The following ERBB4 variants were observed in gnomAD, a reference collection of about 807,000 sequenced individuals.
ERBB4 encodes erb-b2 receptor tyrosine kinase 4, also known as receptor tyrosine-protein kinase erbB-4.
In ERBB4, 42 loss-of-function variants were observed where a neutral mutation model predicts 158.0. That is an observed-to-expected ratio of 0.27 (90% CI 0.21 to 0.34). ERBB4 has a LOEUF of 0.34. Among genes scored for constraint, ERBB4 ranks in the 10% least tolerant of loss-of-function variants. ERBB4 has a pLI of 1.00. For synonymous variants in ERBB4, 583 were observed against 558.7 expected (o/e 1.04, Z -0.61); for missense variants, 1,333 against 1,624.1 (o/e 0.82, Z 3.08).
chr2:211,878,720 C>G (rs1187502651), intron 3 of ERBB4, among the ~76,000 whole-genome samples: 11 of 138,596 alleles, frequency 7.9e-5, no homozygotes, highest in Non-Finnish European at 9.0e-5. Flanking sequence ...TGCAGTGGCG[C>G]AATCTCAGCT....
intron 1 of ERBB4, among the ~76,000 whole-genome samples, chr2:212,350,385 A>G (rs2089201037): frequency 6.6e-6 from 1 of 152,136 alleles, no homozygotes; most frequent in Non-Finnish European, 1.5e-5. Flanking sequence ...TATGTTTACT[A>G]TGGAATAAAT....
At chr2:211,452,764 A>G (rs1184829041) in intron 20 of ERBB4, among the ~76,000 whole-genome samples, 1 of 152,178 alleles carries the variant, frequency 6.6e-6, no homozygotes, top group African/African-American at 2.4e-5. Context: ...CATTTCAAAG[A>G]CACCACACTA....
chr2:212,236,092 T>C (rs533449734), intron 1 of ERBB4, among the ~76,000 whole-genome samples: 1 of 152,332 alleles, frequency 6.6e-6, no homozygotes, highest in East Asian at 1.9e-4. Context: ...AGTATGATAG[T>C]GGCTGTGGGT....
intron 1 of ERBB4, among the ~76,000 whole-genome samples, chr2:212,222,838 A>C (rs1915747): frequency 1.3e-5 from 2 of 151,192 alleles, no homozygotes; most frequent in Non-Finnish European, 3.0e-5. Context: ...TGTAATCTCC[A>C]GAAGAGATAG....
At chr2:212,058,260 TA>T (rs1400759412) in intron 2 of ERBB4, among the ~76,000 whole-genome samples, 1 of 152,194 alleles carries the variant, frequency 6.6e-6, no homozygotes. Context: ...AATCTCTGAA[TA>T]GACCCATAAC....
chr2:211,792,481 C>T (rs1351340304), intron 3 of ERBB4, among the ~76,000 whole-genome samples: 1 of 151,648 alleles, frequency 6.6e-6, no homozygotes. Flanking sequence ...TTACTGCAGA[C>T]AATACATTTG....
chr2:211,968,568 C>T (rs957356786), intron 2 of ERBB4, among the ~76,000 whole-genome samples: 3 of 151,914 alleles, frequency 2.0e-5, no homozygotes, highest in African/African-American at 7.2e-5. Flanking sequence ...CCAATTGTTG[C>T]AGATATATTT....
intron 1 of ERBB4, among the ~76,000 whole-genome samples, chr2:212,383,156 G>A (rs1187756197): frequency 6.6e-6 from 1 of 151,316 alleles, no homozygotes; most frequent in Non-Finnish European, 1.5e-5. Context: ...CAATAGCCAT[G>A]ATTTTGCATT....
chr2:211,489,489 G>C (rs567587688), intron 20 of ERBB4, among the ~76,000 whole-genome samples: 2 of 151,950 alleles, frequency 1.3e-5, no homozygotes, highest in African/African-American at 4.8e-5. Context: ...ACTAAATGCT[G>C]GCTATTATAG....
intron 3 of ERBB4, among the ~76,000 whole-genome samples, chr2:211,840,646 C>T (rs1332257852): frequency 2.0e-5 from 3 of 152,074 alleles, no homozygotes; most frequent in Non-Finnish European, 4.4e-5. Flanking sequence ...AGCTGGTTCT[C>T]CTAATAGTGC....
intron 1 of ERBB4, among the ~76,000 whole-genome samples, chr2:212,475,502 C>T (rs1401658174): frequency 6.6e-6 from 1 of 152,106 alleles, no homozygotes; most frequent in Non-Finnish European, 1.5e-5. Context: ...ATTTCTGGTG[C>T]CACCTCCTCC....
At chr2:212,108,998 T>A (rs1234864774) in intron 2 of ERBB4, among the ~76,000 whole-genome samples, 2 of 152,008 alleles carry the variant, frequency 1.3e-5, no homozygotes, top group Non-Finnish European at 2.9e-5. Flanking sequence ...GAGATACACA[T>A]TCAAGTCCTC....
intron 25 of ERBB4, among the ~76,000 whole-genome samples, chr2:211,407,537 T>G (rs1290184608): frequency 1.3e-5 from 2 of 152,214 alleles, no homozygotes; most frequent in Admixed American, 6.5e-5. Context: ...TTCCAATTTC[T>G]TTCCCTTTTT....
chr2:212,404,848 T>C (rs2091302083), intron 1 of ERBB4, among the ~76,000 whole-genome samples: 1 of 152,060 alleles, frequency 6.6e-6, no homozygotes, highest in Admixed American at 6.6e-5. Context: ...TCCCCTTCTT[T>C]GTGCTCACGA....
chr2:211,759,941 A>AT (rs2075369742), intron 4 of ERBB4, among the ~76,000 whole-genome samples: 1 of 152,066 alleles, frequency 6.6e-6, no homozygotes, highest in Non-Finnish European at 1.5e-5. Context: ...AATAAATATA[A>AT]TTTTATTTCT....
intron 1 of ERBB4, among the ~76,000 whole-genome samples, chr2:212,290,612 C>G (rs532602348): frequency 9.2e-5 from 14 of 152,192 alleles, no homozygotes; most frequent in African/African-American, 3.4e-4. Context: ...TCCATAGCAA[C>G]AGGCCAATAA....
At chr2:211,821,130 A>G (rs184661815) in intron 3 of ERBB4, among the ~76,000 whole-genome samples, 1 of 152,020 alleles carries the variant, frequency 6.6e-6, no homozygotes, top group East Asian at 1.9e-4. Context: ...AGATGACACA[A>G]TCTTATATAT....
chr2:212,406,685 C>A (rs1297405100), intron 1 of ERBB4, among the ~76,000 whole-genome samples: 1 of 152,090 alleles, frequency 6.6e-6, no homozygotes, highest in Non-Finnish European at 1.5e-5. Context: ...TCATCGTTGA[C>A]TGGGAACTGA....
intron 2 of ERBB4, among the ~76,000 whole-genome samples, chr2:211,980,511 C>T (rs910640653): frequency 3.9e-5 from 6 of 152,060 alleles, no homozygotes; most frequent in Non-Finnish European, 5.9e-5. Flanking sequence ...AATTTCTGTT[C>T]TAAAGGCTGT....
Sources: gnomAD v4.1 joint callset for allele counts (sites outside exome capture counted in the v4.1 genomes callset) on GRCh38, gnomAD v4.1.1 for gene constraint, MANE v1.5 for transcripts, NCBI Gene and HGNC (gene_info 2026-07-23, HGNC 2026-07-21) for gene names.